Variants in ADSS2 observed in about 807,000 individuals in gnomAD.
ADSS2 encodes the protein adenylosuccinate synthetase isozyme 2.
Under a neutral mutation model 60.0 loss-of-function variants are expected in ADSS2, and 30 were observed. The ratio of observed to expected loss-of-function variants is 0.50; its 90% CI spans 0.37 to 0.68. The LOEUF (loss-of-function observed/expected upper bound fraction) is 0.68. Among genes scored for constraint, ADSS2 ranks in the 30% least tolerant of loss-of-function variants. The pLI, the probability that ADSS2 is intolerant of heterozygous loss-of-function variation, is 0.00. For synonymous variants in ADSS2, 187 were observed against 193.1 expected (o/e 0.97, Z 0.26); for missense variants, 373 against 554.8 (o/e 0.67, Z 3.29).
At chr1:244,423,255 G>C (rs953572785) in intron 6 of ADSS2, among the ~76,000 whole-genome samples, 1 of 152,096 alleles carries the variant, frequency 6.6e-6, no homozygotes, top group Non-Finnish European at 1.5e-5. Context: ...CAACAAAAGG[G>C]GGCAGTTTAC....
rs1031822687 is a variant in ADSS2, at chr1:244,410,502, A to T, written c.1318+785T>A. Among the ~76,000 whole-genome samples the T allele has an allele frequency of 1.0e-4, 6 of 59,258 alleles. No individual in the cohort carries two copies. In the East Asian group the frequency reaches 2.0e-3, roughly 20 times the overall value. The allele number at this position is 59,258 out of a possible 152,430, so 38.9% of individuals were successfully genotyped here. ...TAAATAGGCTTAATTATTTTTAAAAATTTTTTCTTACATTTTTTTCTAGTG... is the reference window on the plus strand; with the variant it reads ...TAAATAGGCTTAATTATTTTTAAAATTTTTTTCTTACATTTTTTTCTAGTG... On this transcript the variant is annotated intron_variant, in intron 12 of 12. Coordinates refer to ENST00000366535, the MANE Select transcript of ADSS2 (RefSeq NM_001126.5).
chr1:244,440,858 T>C (rs1665222811), intron 1 of ADSS2, among the ~76,000 whole-genome samples: 1 of 152,184 alleles, frequency 6.6e-6, no homozygotes, highest in African/African-American at 2.4e-5. Context: ...TTTGTAAATG[T>C]ATATATATCA....
intron 3 of ADSS2, 117 bp downstream of exon 3, chr1:244,436,708 G>A (rs767226929): frequency 3.3e-4 from 251 of 771,526 alleles, no homozygotes; most frequent in Non-Finnish European, 4.3e-4. Flanking sequence ...TTAAAAATTC[G>A]TCTATAATAG....
At chr1:244,438,955 CCT>C (rs754894426) in intron 1 of ADSS2, among the ~76,000 whole-genome samples, 26 of 152,028 alleles carry the variant, frequency 1.7e-4, no homozygotes, top group Non-Finnish European at 1.2e-4. Flanking sequence ...ACTGTAGTCC[CCT>C]GTTGTGCTGT....
chr1:244,435,984 G>A (rs79005146), intron 3 of ADSS2, among the ~76,000 whole-genome samples: 2,693 of 152,280 alleles, frequency 0.018, 47 homozygotes, highest in Middle Eastern at 0.037. Flanking sequence ...ATTGCCCTCT[G>A]TGGGAACGCT....
At chr1:244,450,996 A>T (rs890397118) in intron 1 of ADSS2, among the ~76,000 whole-genome samples, 2 of 151,986 alleles carry the variant, frequency 1.3e-5, no homozygotes, top group African/African-American at 2.4e-5. Context: ...GCACACTGTA[A>T]AAACAAAAAC....
intron 4 of ADSS2, among the ~76,000 whole-genome samples, chr1:244,427,649 A>G (rs1054204809): frequency 1.3e-5 from 2 of 152,168 alleles, no homozygotes; most frequent in African/African-American, 4.8e-5. Flanking sequence ...TGCAAACAGT[A>G]ATCTTAAGGC....
At chr1:244,450,647 T>C (rs1367292047) in intron 1 of ADSS2, among the ~76,000 whole-genome samples, 1 of 152,204 alleles carries the variant, frequency 6.6e-6, no homozygotes, top group Non-Finnish European at 1.5e-5. Flanking sequence ...TATGCTTTGT[T>C]TTGAAAGTGG....
At chr1:244,424,605 T>C (rs761484302) in intron 4 of ADSS2, 21 of 369,318 alleles carry the variant, frequency 5.7e-5, no homozygotes, top group Non-Finnish European at 8.3e-5. Context: ...CAGTCTATAC[T>C]ATTTTAAAAA....
chr1:244,432,266 T>C (rs963100468), intron 4 of ADSS2, among the ~76,000 whole-genome samples: 9 of 152,244 alleles, frequency 5.9e-5, no homozygotes, highest in African/African-American at 2.2e-4. Flanking sequence ...TGCATTTTGA[T>C]ATGGCTTATT....
chr1:244,444,378 A>G (rs980899459), intron 1 of ADSS2, among the ~76,000 whole-genome samples: 8 of 148,644 alleles, frequency 5.4e-5, no homozygotes, highest in African/African-American at 1.2e-4. Flanking sequence ...AGCCGGGCGT[A>G]GTGGCGGGCG....
chr1:244,446,433 C>T (rs888043036), intron 1 of ADSS2, among the ~76,000 whole-genome samples: 2 of 152,162 alleles, frequency 1.3e-5, no homozygotes, highest in Non-Finnish European at 2.9e-5. Flanking sequence ...AAAAAATACA[C>T]AGGGTATCTG....
chr1:244,437,029 T>A, intron 2 of ADSS2, 136 bp from the exon 3 acceptor site: 1 of 652,268 alleles, frequency 1.5e-6, no homozygotes, highest in East Asian at 2.7e-5. Flanking sequence ...TTTAAATACA[T>A]AATGGAACAT....
At chr1:244,438,457 G>A (rs753426226) in intron 1 of ADSS2, among the ~76,000 whole-genome samples, 2 of 152,140 alleles carry the variant, frequency 1.3e-5, no homozygotes, top group African/African-American at 2.4e-5. Flanking sequence ...TGAAGCTTAT[G>A]CAGAAATAAC....
At chr1:244,411,748 C>G (rs980478097) in intron 11 of ADSS2, among the ~76,000 whole-genome samples, 4 of 152,168 alleles carry the variant, frequency 2.6e-5, no homozygotes, top group Non-Finnish European at 5.9e-5. Context: ...TTAAAACTTT[C>G]CAGTTTTAAA....
chr1:244,411,261 C>T, intron 12 of ADSS2, 26 bp downstream of exon 12: 2 of 1,558,928 alleles, frequency 1.3e-6, no homozygotes, highest in Middle Eastern at 2.2e-4. Flanking sequence ...AAAGAAAAAA[C>T]TTATTCACAA....
At chr1:244,420,384 C>A in intron 7 of ADSS2, 88 bp from the exon 8 acceptor site, 1 of 1,249,316 alleles carries the variant, frequency 8.0e-7, no homozygotes, top group Admixed American at 2.4e-5. Context: ...GACTTTATGA[C>A]ATGAAAACTG....
chr1:244,435,749 T>C (rs1665084193), intron 3 of ADSS2, among the ~76,000 whole-genome samples: 1 of 152,250 alleles, frequency 6.6e-6, no homozygotes, highest in African/African-American at 2.4e-5. Flanking sequence ...ATCATTTCCT[T>C]ACACTTATTC....
At position 244,432,573 on chromosome 1, in the gene ADSS2, C is replaced by A; in HGVS notation, c.378G>T (p.Arg126Ser). The stretch of plus-strand genomic sequence containing the variant: ...TATGAGCTCTGTCAGATATAATAAG[C>A]CTTTTTTCCCAGCCTTCTAGTCCTA... ...KGKGLEGWEK[R>S]LIISDRAHIV... is the part of the protein sequence containing the mutation. Residue 126 changes from arginine to serine, a missense_variant, in exon 4 of 13, where the codon AGG becomes AGT. Physicochemically the swap from Arg to Ser is moderately radical, Grantham distance 110. Coordinates refer to ENST00000366535, the MANE Select transcript of ADSS2 (RefSeq NM_001126.5). 6.3e-7 allele frequency: 1 copy of A among 1,580,018 alleles called. No individual in the cohort carries two copies. Among genetic ancestry groups the A allele is most frequent in the Non-Finnish European group, 8.6e-7 (1 of 1,160,714 alleles).
Sources: allele counts gnomAD v4.1 joint callset (sites outside exome capture counted in the v4.1 genomes callset), GRCh38; gene constraint gnomAD v4.1.1; transcripts MANE v1.5; gene names NCBI Gene and HGNC (gene_info 2026-07-23, HGNC 2026-07-21).